PSMA5: variants seen among roughly 807,000 people sequenced by gnomAD.
PSMA5 encodes proteasome subunit alpha type-5.
Under a neutral mutation model 34.5 loss-of-function variants are expected in PSMA5, and 3 were observed. That is an observed-to-expected ratio of 0.09 (90% CI 0.04 to 0.22). The LOEUF (loss-of-function observed/expected upper bound fraction) is 0.22, where lower values mean the gene tolerates loss of function less well. Ranked by LOEUF, PSMA5 falls within the 10% of genes least tolerant of loss-of-function variation. The probability of loss-of-function intolerance (pLI) is 1.00; values close to 1 mark genes in which losing one functional copy is unlikely to be tolerated. For missense variants in PSMA5, 120 were observed against 286.1 expected, an observed-to-expected ratio of 0.42 and a Z score of 4.19; for synonymous variants, 88 against 95.8, an observed-to-expected ratio of 0.92 and a Z score of 0.47.
intron 8 of PSMA5, among the ~76,000 whole-genome samples, chr1:109,404,261 G>A (rs534842454): frequency 3.3e-5 from 5 of 152,226 alleles, no homozygotes; most frequent in South Asian, 2.1e-4. Flanking sequence ...GCAGTGAGCT[G>A]AGATCGCACC....
intron 8 of PSMA5, among the ~76,000 whole-genome samples, chr1:109,409,297 C>T (rs1653905366): frequency 6.6e-6 from 1 of 152,226 alleles, no homozygotes; most frequent in African/African-American, 2.4e-5. Context: ...GCTGGAACTA[C>T]AGGTGCGTGC....
intron 1 of PSMA5, among the ~76,000 whole-genome samples, chr1:109,422,482 C>CT (rs35947865): frequency 0.087 from 10,759 of 123,924 alleles, 1,487 homozygotes; most frequent in African/African-American, 0.29. Context: ...ACAGTTATTA[C>CT]TTTTTTTTTT....
intron 1 of PSMA5, chr1:109,426,038 G>A (rs1339834956): frequency 7.1e-6 from 4 of 565,666 alleles, no homozygotes; most frequent in Admixed American, 3.0e-5. Context: ...GGCTCCTCAC[G>A]CCTTCTTTAC....
At chr1:109,402,184 A>G (rs1011038338) in intron 8 of PSMA5, 94 bp from the exon 9 acceptor site, 8 of 858,140 alleles carry the variant, frequency 9.3e-6, no homozygotes, top group African/African-American at 6.9e-5. Flanking sequence ...TGATGCAGCT[A>G]TTCATTAGGA....
Position 109,413,096 on chromosome 1 carries a change from A to G in PSMA5, c.263T>C (p.Leu88Ser). The change falls in exon 4 of 9, where the codon TTA becomes TCA. Residue 88 changes from leucine to serine, a missense_variant. Leu to Ser is a moderately radical substitution (Grantham distance 145, BLOSUM62 -2). This residue lies in a region of PSMA5 where 83 missense variants were observed against 203.2 expected (regional missense o/e 0.41). Coordinates refer to ENST00000271308, the MANE Select transcript of PSMA5 (RefSeq NM_002790.4). ...TGTCTCCACTCTGGCTTTATCAATT[A>G]AAGTCTTAGCATCAGCAATTAGCCC... Reference protein sequence around the residue: ...MSGLIADAKTLIDKARVETQN... With the variant: ...MSGLIADAKTSIDKARVETQN... The G allele has an allele frequency of 6.2e-7, 1 of 1,613,962 alleles. No homozygotes were observed. The highest frequency in any genetic ancestry group is 8.5e-7 in the Non-Finnish European group (1 of 1,179,866).
rs780095684 is a variant in PSMA5 at position 109,401,954 on chromosome 1, ATTT to A, written c.*56_*58del. ...CCAAGGAACAGGAGCTGGAAATAAA[ATTT>A]AAGGACATTATTAGAACTGAAATTG... On this transcript the variant is annotated 3_prime_UTR_variant, in exon 9 of 9. Transcript: ENST00000271308. The A allele has an allele frequency of 7.4e-6, 10 of 1,345,650 alleles. No homozygotes were observed. Among genetic ancestry groups the A allele is most frequent in the Non-Finnish European group, 1.1e-5 (10 of 952,046 alleles). 83.4% of individuals were successfully genotyped at this position (1,345,650 alleles called of 1,614,324 possible). A position where few individuals can be genotyped will look rare whatever the true frequency, so the allele number is the denominator to read the frequency against.
Position 109,412,204 on chromosome 1 carries a change from TG to T in PSMA5, c.292-21del. 1 of 1,582,084 alleles carries T rather than the reference TG, an allele frequency of 6.3e-7. No homozygotes were observed. Among genetic ancestry groups the T allele is most frequent in the Non-Finnish European group, 8.7e-7 (1 of 1,150,898 alleles). ...GTGGTTCTAGAAGAAGAGCAAAGCATGGTACAACCTTCTAATAAGGACATTA... is the reference window on the plus strand; with the variant it reads ...GTGGTTCTAGAAGAAGAGCAAAGCATGTACAACCTTCTAATAAGGACATTA... On this transcript the variant is annotated intron_variant, in intron 4 of 8. Transcript: ENST00000271308.
At chr1:109,412,877 T>A in intron 4 of PSMA5, 191 bp downstream of exon 4, 2 of 557,166 alleles carry the variant, frequency 3.6e-6, no homozygotes, top group Non-Finnish European at 6.3e-6. Context: ...CAGAGCCTCT[T>A]TAAAACTGCA....
At chr1:109,408,396 CT>C (rs1402827150) in intron 8 of PSMA5, among the ~76,000 whole-genome samples, 2 of 152,150 alleles carry the variant, frequency 1.3e-5, no homozygotes, top group Non-Finnish European at 2.9e-5. Flanking sequence ...TTCCCTAATG[CT>C]TTAGTCTAAG....
intron 1 of PSMA5, 160 bp downstream of exon 1, chr1:109,426,142 G>C: frequency 3.3e-6 from 3 of 917,508 alleles, no homozygotes; most frequent in South Asian, 1.5e-5. Context: ...GTCTAGCTTG[G>C]GGAAGGACGG....
intron 8 of PSMA5, among the ~76,000 whole-genome samples, chr1:109,405,981 A>G (rs1437760517): frequency 6.6e-6 from 1 of 152,220 alleles, no homozygotes; most frequent in Non-Finnish European, 1.5e-5. Flanking sequence ...ATGACTGAGT[A>G]AAAGGGAAGG....
rs963102602 is a variant in PSMA5, at chr1:109,426,217, T to C, written c.29+85A>G. ...AGTCTCGGGTTCCTGGGGAGCCCCA[T>C]GACACGGCAGAACCCAGGCCGCGCG... is the stretch of plus-strand genomic sequence containing the variant. On this transcript the variant is annotated intron_variant, in intron 1 of 8. Coordinates refer to ENST00000271308, the MANE Select transcript of PSMA5 (RefSeq NM_002790.4). The C allele has an allele frequency of 3.2e-6, 5 of 1,562,586 alleles. No homozygotes were observed. In the Admixed American group the frequency reaches 5.0e-5, roughly 16 times the overall value.
At position 109,402,098 on chromosome 1, in the gene PSMA5, G is replaced by C; in HGVS notation, c.649-8C>G. On this transcript the variant is annotated splice_region_variant and splice_polypyrimidine_tract_variant and intron_variant, in intron 8 of 8. Coordinates refer to ENST00000271308, the MANE Select transcript of PSMA5 (RefSeq NM_002790.4). ...AGGCTGCACTGTGGCTAGCTGGAAA[G>C]AAAACAGAAGGGTTAATAAGCTGGG... 6.2e-7 allele frequency: 1 copy of C among 1,606,440 alleles called. No individual in the cohort carries two copies. Among genetic ancestry groups the C allele is most frequent in the Non-Finnish European group, 8.5e-7 (1 of 1,174,486 alleles).
intron 1 of PSMA5, among the ~76,000 whole-genome samples, chr1:109,424,995 CA>C (rs1654596990): frequency 7.2e-6 from 1 of 139,762 alleles, no homozygotes; most frequent in Non-Finnish European, 1.5e-5. Context: ...CAAAAACAAA[CA>C]AAACCCAGGA....
chr1:109,411,184 AAAAC>A (rs1392759600), intron 6 of PSMA5, 71 bp from the exon 7 acceptor site: 2 of 1,044,068 alleles, frequency 1.9e-6, no homozygotes, highest in Non-Finnish European at 2.9e-6. Flanking sequence ...ACGTCTCACT[AAAAC>A]AAAGTATAAA....
chr1:109,419,373 A>G (rs1199157633), intron 2 of PSMA5, among the ~76,000 whole-genome samples: 2 of 152,198 alleles, frequency 1.3e-5, no homozygotes, highest in Non-Finnish European at 2.9e-5. Context: ...CCAAGATTTC[A>G]TTAAGAATCC....
chr1:109,416,643 CTGAA>C, intron 2 of PSMA5, among the ~76,000 whole-genome samples: 1 of 152,350 alleles, frequency 6.6e-6, no homozygotes, highest in East Asian at 1.9e-4. Context: ...TGTCTGCAGA[CTGAA>C]TGATCATTTC....
At chr1:109,410,337 G>T (rs1271691219) in intron 7 of PSMA5, among the ~76,000 whole-genome samples, 1 of 152,128 alleles carries the variant, frequency 6.6e-6, no homozygotes, top group Non-Finnish European at 1.5e-5. Context: ...AATATTATTG[G>T]TAATATCCAA....
rs1653499644 is a variant in PSMA5 at position 109,401,095 on chromosome 1, C to A, written c.*918G>T. ...TTTTTGAGGCTGAGATAGAATGATT[C>A]TTTAAACAATCTCCACCAATCATAT... On this transcript the variant is annotated 3_prime_UTR_variant, in exon 9 of 9. Coordinates refer to ENST00000271308, the MANE Select transcript of PSMA5 (RefSeq NM_002790.4). The A allele has an allele frequency of 6.6e-6, 1 of 152,186 alleles. No individual in the cohort carries two copies. Among genetic ancestry groups the A allele is most frequent in the Non-Finnish European group, 1.5e-5 (1 of 68,032 alleles). The allele number at this position is 152,186 out of a possible 1,614,324, so 9.4% of individuals were successfully genotyped here.
Sources: gnomAD v4.1 joint callset for allele counts (sites outside exome capture counted in the v4.1 genomes callset) on GRCh38, gnomAD v4.1.1 for gene constraint, gnomAD v4.1.1 regional missense constraint, MANE v1.5 for transcripts, NCBI Gene and HGNC (gene_info 2026-07-23, HGNC 2026-07-21) for gene names.